ELMOD1: variants seen among roughly 807,000 people sequenced by gnomAD.
ELMOD1 encodes ELMO domain containing 1.
In ELMOD1, 21 loss-of-function variants were observed where a neutral mutation model predicts 46.7. The observed-to-expected ratio is 0.45, with a 90% CI of 0.32 to 0.65. The LOEUF (loss-of-function observed/expected upper bound fraction) is 0.65. Ranked by LOEUF, ELMOD1 falls within the 30% of genes least tolerant of loss-of-function variation. ELMOD1 has a pLI of 0.04. For missense variants in ELMOD1, 348 were observed against 407.8 expected, an observed-to-expected ratio of 0.85 and a Z score of 1.26; for synonymous variants, 122 against 138.2, an observed-to-expected ratio of 0.88 and a Z score of 0.82.
chr11:107,599,269 A>T (rs1393889038), intron 1 of ELMOD1, among the ~76,000 whole-genome samples: 1 of 151,946 alleles, frequency 6.6e-6, no homozygotes, highest in Non-Finnish European at 1.5e-5. Context: ...CCAAGAGAAA[A>T]TTTTTTTCCT....
At chr11:107,607,856 T>G (rs1425410807) in intron 1 of ELMOD1, among the ~76,000 whole-genome samples, 1 of 152,120 alleles carries the variant, frequency 6.6e-6, no homozygotes, top group Non-Finnish European at 1.5e-5. Flanking sequence ...GAAATGAGAA[T>G]AGCGCAAACT....
intron 2 of ELMOD1, among the ~76,000 whole-genome samples, chr11:107,626,352 C>G (rs1025872450): frequency 6.8e-6 from 1 of 147,314 alleles, no homozygotes; most frequent in African/African-American, 2.5e-5. Flanking sequence ...ATTTGAAATG[C>G]CTCCTCCCAA....
chr11:107,599,321 T>A (rs1055557936), intron 1 of ELMOD1, among the ~76,000 whole-genome samples: 5 of 149,798 alleles, frequency 3.3e-5, no homozygotes, highest in African/African-American at 1.2e-4. Context: ...TGTTAGAGTG[T>A]GCCATGTTTT....
At chr11:107,625,477 CA>C in intron 2 of ELMOD1, 1 of 985,328 alleles carries the variant, frequency 1.0e-6, no homozygotes. Flanking sequence ...CTTACTGTTC[CA>C]AAAGAAGACG....
At chr11:107,645,162 C>T (rs1160576542) in intron 6 of ELMOD1, among the ~76,000 whole-genome samples, 1 of 142,556 alleles carries the variant, frequency 7.0e-6, no homozygotes, top group Non-Finnish European at 1.5e-5. Context: ...TGGTCTCGAT[C>T]TCCTGACCTC....
At chr11:107,592,526 T>G (rs558472306) in intron 1 of ELMOD1, 1 of 486,888 alleles carries the variant, frequency 2.1e-6, no homozygotes, top group South Asian at 1.6e-5. Flanking sequence ...TTGGGATAAA[T>G]GTCTTAATTC....
At chr11:107,602,390 T>C (rs12271970) in intron 1 of ELMOD1, among the ~76,000 whole-genome samples, 2 of 152,094 alleles carry the variant, frequency 1.3e-5, no homozygotes, top group East Asian at 1.9e-4. Flanking sequence ...GAGTTTCCTG[T>C]ATTATTTCTT....
rs897599560 is a variant in ELMOD1, at chr11:107,659,128, A to G, written c.832+3062A>G. Among the ~76,000 whole-genome samples, 62 of 152,280 alleles carry G rather than the reference A, an allele frequency of 4.1e-4. 1 individual carries two copies. Among genetic ancestry groups the G allele is most frequent in the African/African-American group, 1.5e-3 (62 of 41,560 alleles). On this transcript the variant is annotated intron_variant, in intron 11 of 11. Coordinates refer to ENST00000265840, the MANE Select transcript of ELMOD1 (RefSeq NM_018712.4). ...AGTATGTGGATTTAAGAAATAGAGC[A>G]TAGGGTTTGCCGGGTGGTGACTAGA...
chr11:107,625,640 C>T, intron 2 of ELMOD1: 1 of 875,310 alleles, frequency 1.1e-6, no homozygotes, highest in Non-Finnish European at 1.4e-6. Context: ...CAAAGCGCCA[C>T]AAGACCGGAG....
At chr11:107,597,876 A>G (rs759490287) in intron 1 of ELMOD1, among the ~76,000 whole-genome samples, 6 of 152,224 alleles carry the variant, frequency 3.9e-5, no homozygotes, top group Non-Finnish European at 8.8e-5. Context: ...AAATGATGAT[A>G]TGTATTTTGA....
intron 5 of ELMOD1, 51 bp downstream of exon 5, chr11:107,631,728 A>T: frequency 9.7e-7 from 1 of 1,031,504 alleles, no homozygotes; most frequent in Non-Finnish European, 1.4e-6. Context: ...TCACATGGCC[A>T]CAGGTTTAGT....
intron 6 of ELMOD1, among the ~76,000 whole-genome samples, chr11:107,646,943 AATCT>A (rs10536920): frequency 0.22 from 32,250 of 147,912 alleles, 3,610 homozygotes; most frequent in South Asian, 0.27. Context: ...TTATCTATCT[AATCT>A]ATCTATCTAT....
intron 1 of ELMOD1, 114 bp from the exon 2 acceptor site, chr11:107,617,991 A>G (rs1865889291): frequency 1.6e-6 from 1 of 622,524 alleles, no homozygotes; most frequent in Non-Finnish European, 2.9e-6. Context: ...AGTTCTGTTG[A>G]TAATGTTCTG....
chr11:107,593,428 G>A (rs1865439057), intron 1 of ELMOD1, among the ~76,000 whole-genome samples: 1 of 152,140 alleles, frequency 6.6e-6, no homozygotes, highest in Admixed American at 6.5e-5. Flanking sequence ...TCTATGAAAT[G>A]GACAAAATAA....
At chr11:107,592,566 A>G in intron 1 of ELMOD1, 1 of 315,796 alleles carries the variant, frequency 3.2e-6, no homozygotes, top group Non-Finnish European at 7.0e-6. Context: ...ACGTAGTTAC[A>G]GCAGACTTAG....
chr11:107,635,578 T>C (rs1399355817), intron 5 of ELMOD1, 58 bp from the exon 6 acceptor site: 19 of 1,562,728 alleles, frequency 1.2e-5, no homozygotes, highest in Non-Finnish European at 1.3e-5. Context: ...AGTGAACAAA[T>C]GCCAAAGTGA....
intron 11 of ELMOD1, 36 bp from the exon 12 acceptor site, chr11:107,664,989 T>C (rs757540154): frequency 5.9e-5 from 92 of 1,564,204 alleles, no homozygotes; most frequent in Admixed American, 9.4e-5. Flanking sequence ...GATTTTTTTT[T>C]CTCCTGCATT....
rs114155533 is a variant in ELMOD1 at position 107,624,520 on chromosome 11, G to A, written c.18-5897G>A. Among the ~76,000 whole-genome samples, 1,302 of 152,200 alleles carry A rather than the reference G, an allele frequency of 8.6e-3. 12 individuals are homozygous for A. The highest frequency in any genetic ancestry group is 0.027 in the Middle Eastern group (8 of 294). ...ACAAAAATTAGCTGAGCATTGTGGC[G>A]CGTACCTGTAGTCCCAGCTACAGGG... On this transcript the variant is annotated intron_variant, in intron 2 of 11. Transcript: ENST00000265840.
intron 6 of ELMOD1, among the ~76,000 whole-genome samples, chr11:107,641,329 A>G (rs1381244874): frequency 6.6e-6 from 1 of 151,738 alleles, no homozygotes; most frequent in Admixed American, 6.6e-5. Flanking sequence ...ATATATATAT[A>G]TATATCTCTA....
Sources: gnomAD v4.1 joint callset for allele counts (sites outside exome capture counted in the v4.1 genomes callset) on GRCh38, gnomAD v4.1.1 for gene constraint, MANE v1.5 for transcripts, NCBI Gene and HGNC (gene_info 2026-07-23, HGNC 2026-07-21) for gene names.